The following CDH11 variants were observed in gnomAD, a reference collection of about 807,000 sequenced individuals.
CDH11 encodes the protein cadherin 11, also known as cadherin-11.
A neutral mutation model predicts 67.8 loss-of-function variants in CDH11; 11 were observed. The observed-to-expected ratio is 0.16, with a 90% confidence interval of 0.10 to 0.27. The LOEUF is 0.27. Ranked by LOEUF, CDH11 falls within the 10% of genes least tolerant of loss-of-function variation. The pLI is 1.00. For synonymous variants in CDH11, 419 were observed against 400.0 expected (o/e 1.05, Z -0.57); for missense variants, 847 against 1,031.2 (o/e 0.82, Z 2.45).
chr16:65,037,207 C>T (rs2097790541), intron 2 of CDH11, among the ~76,000 whole-genome samples: 1 of 152,192 alleles, frequency 6.6e-6, no homozygotes, highest in Admixed American at 6.5e-5. Flanking sequence ...ATGCCACTTA[C>T]CAGCTGTGTG....
Position 65,121,249 on chromosome 16 carries a change from C to T in CDH11, c.-298+631G>A, listed in dbSNP as rs377127655. The stretch of plus-strand genomic sequence containing the variant: ...CTGGAGGGCTGTAGCGCACCGCAGC[C>T]TGCTGCCCCAGAACCACAGTCGGCG... On this transcript the variant is annotated intron_variant, in intron 1 of 12. Transcript: ENST00000268603. This position sits in a 1 kb window ranked among gnomAD's most constrained non-coding sequence, Gnocchi z 4.1. Among the ~76,000 whole-genome samples, 19 of 152,352 alleles carry T rather than the reference C, an allele frequency of 1.2e-4. No homozygotes were observed. In the East Asian group the frequency reaches 1.7e-3, roughly 14 times the overall value.
intron 2 of CDH11, among the ~76,000 whole-genome samples, chr16:65,036,790 A>C (rs2142646754): frequency 6.6e-6 from 1 of 152,294 alleles, no homozygotes; most frequent in South Asian, 2.1e-4. Flanking sequence ...CTCCCAATGG[A>C]AGATACACTT....
intron 2 of CDH11, among the ~76,000 whole-genome samples, chr16:65,047,083 C>T (rs145279622): frequency 1.4e-4 from 21 of 152,284 alleles, no homozygotes; most frequent in Non-Finnish European, 2.9e-4. Context: ...CACTGCCCTC[C>T]AACCTGGGTG....
intron 4 of CDH11, among the ~76,000 whole-genome samples, chr16:64,996,071 T>C (rs1313003086): frequency 6.6e-6 from 1 of 152,042 alleles, no homozygotes; most frequent in Non-Finnish European, 1.5e-5. Context: ...ATAGCTATGA[T>C]TAAAAAGTCA....
chr16:65,117,380 T>G (rs2075260668), intron 1 of CDH11, among the ~76,000 whole-genome samples: 1 of 152,228 alleles, frequency 6.6e-6, no homozygotes, highest in African/African-American at 2.4e-5. Flanking sequence ...AGTTTCTTTT[T>G]GCATTCTCCT....
At chr16:65,008,967 C>T (rs146515388) in intron 2 of CDH11, among the ~76,000 whole-genome samples, 159 of 152,180 alleles carry the variant, frequency 1.0e-3, no homozygotes, top group Non-Finnish European at 1.1e-3. Flanking sequence ...AACCCTAAAA[C>T]GTAGCATTAT....
rs2072831725 is a variant in CDH11 at position 64,998,501 on chromosome 16, G to A, written c.523+61C>T. 3.3e-6 allele frequency: 5 copies of A among 1,516,524 alleles called. No homozygotes were observed. The South Asian group carries it at 5.8e-5, about 18-fold the overall frequency. The allele number at this position is 1,516,524 out of a possible 1,614,324, so 93.9% of individuals were successfully genotyped here. A position where few individuals can be genotyped will look rare whatever the true frequency, so the allele number is the denominator to read the frequency against. On this transcript the variant is annotated intron_variant, in intron 4 of 12. Transcript: ENST00000268603. ...TCCTGATTTGGGAGAACGGGCTTCA[G>A]CCCACCCACCACAGAGACACCAGGC...
intron 2 of CDH11, among the ~76,000 whole-genome samples, chr16:65,037,885 C>G (rs188487261): frequency 6.6e-6 from 1 of 152,228 alleles, no homozygotes; most frequent in African/African-American, 2.4e-5. Context: ...GATGAGAAGC[C>G]AGGCATCCCC....
At chr16:65,116,394 C>T (rs1411485904) in intron 1 of CDH11, among the ~76,000 whole-genome samples, 1 of 152,170 alleles carries the variant, frequency 6.6e-6, no homozygotes, top group Non-Finnish European at 1.5e-5. Context: ...CACTGGTTGC[C>T]ATGCGAGGTG....
intron 1 of CDH11, among the ~76,000 whole-genome samples, chr16:65,103,121 C>G (rs185440265): frequency 6.6e-6 from 1 of 152,052 alleles, no homozygotes; most frequent in African/African-American, 2.4e-5. Context: ...ATATTTTTTG[C>G]GTTCCATTGA....
intron 1 of CDH11, among the ~76,000 whole-genome samples, chr16:65,117,386 C>G (rs960806543): frequency 3.3e-5 from 5 of 152,224 alleles, no homozygotes; most frequent in African/African-American, 1.2e-4. Context: ...TTTTTGCATT[C>G]TCCTCCTGAA....
At chr16:65,013,104 T>C (rs1425512098) in intron 2 of CDH11, among the ~76,000 whole-genome samples, 1 of 152,200 alleles carries the variant, frequency 6.6e-6, no homozygotes, top group East Asian at 1.9e-4. Flanking sequence ...GTGCTGAGAA[T>C]AAGTGACTTT....
chr16:65,097,189 G>T (rs923526945), intron 1 of CDH11, among the ~76,000 whole-genome samples: 2 of 152,174 alleles, frequency 1.3e-5, no homozygotes, highest in Non-Finnish European at 2.9e-5. Flanking sequence ...TTTCAAAATT[G>T]ATAGAGAAGT....
At chr16:65,037,879 A>T (rs2073785641) in intron 2 of CDH11, among the ~76,000 whole-genome samples, 1 of 152,164 alleles carries the variant, frequency 6.6e-6, no homozygotes, top group African/African-American at 2.4e-5. Flanking sequence ...ATAAAAGATG[A>T]GAAGCCAGGC....
intron 2 of CDH11, among the ~76,000 whole-genome samples, chr16:65,006,681 G>A (rs1454064685): frequency 6.6e-6 from 1 of 152,138 alleles, no homozygotes; most frequent in South Asian, 2.1e-4. Context: ...GATGGTTACT[G>A]AAATATTTAC....
intron 5 of CDH11, 151 bp from the exon 6 acceptor site, chr16:64,992,086 C>A (rs1484363595): frequency 9.3e-5 from 48 of 515,818 alleles, no homozygotes; most frequent in Non-Finnish European, 1.5e-4. Context: ...CAAAGGCAGC[C>A]ATACTGAAGC....
intron 1 of CDH11, among the ~76,000 whole-genome samples, chr16:65,105,946 C>T (rs2075059640): frequency 6.6e-6 from 1 of 152,208 alleles, no homozygotes; most frequent in Admixed American, 6.5e-5. Flanking sequence ...GCTTTTCTTA[C>T]ATGCTTTGTT....
chr16:65,064,285 G>A (rs2074278878), intron 1 of CDH11, among the ~76,000 whole-genome samples: 1 of 152,242 alleles, frequency 6.6e-6, no homozygotes, highest in Non-Finnish European at 1.5e-5. Context: ...TGACTCTTCA[G>A]TTCTGTGGCT....
chr16:64,967,514 T>A (rs1223683619), intron 11 of CDH11, among the ~76,000 whole-genome samples: 1 of 152,136 alleles, frequency 6.6e-6, no homozygotes, highest in Non-Finnish European at 1.5e-5. Context: ...AAAGAATAAT[T>A]AGATATTTGG....
Sources: allele counts gnomAD v4.1 joint callset (sites outside exome capture counted in the v4.1 genomes callset), GRCh38; gene constraint gnomAD v4.1.1; non-coding constraint Gnocchi (gnomAD v3.1); transcripts MANE v1.5; gene names NCBI Gene and HGNC (gene_info 2026-07-23, HGNC 2026-07-21).